DAB1: variants seen among roughly 807,000 people sequenced by gnomAD.
The protein encoded by DAB1 is disabled homolog 1.
Under a neutral mutation model 64.6 loss-of-function variants are expected in DAB1, and 15 were observed. The ratio of observed to expected loss-of-function variants is 0.23; its 90% CI spans 0.16 to 0.36. The LOEUF (loss-of-function observed/expected upper bound fraction) is 0.36. Ranked by LOEUF, DAB1 falls within the 10% of genes least tolerant of loss-of-function variation. The pLI is 1.00. For missense variants in DAB1, 596 were observed against 706.7 expected, an observed-to-expected ratio of 0.84 and a Z score of 1.78; for synonymous variants, 235 against 251.9, an observed-to-expected ratio of 0.93 and a Z score of 0.64.
At chr1:58,531,936 T>C (rs1227103825) in intron 1 of DAB1, among the ~76,000 whole-genome samples, 3 of 152,048 alleles carry the variant, frequency 2.0e-5, no homozygotes, top group Non-Finnish European at 2.9e-5. Context: ...CTTGAACTCC[T>C]GACCTCATGA....
chr1:58,283,695 T>C (rs999472167), intron 4 of DAB1, among the ~76,000 whole-genome samples: 2 of 152,176 alleles, frequency 1.3e-5, no homozygotes, highest in Admixed American at 1.3e-4. Context: ...GAGGATTAAA[T>C]GAGATAATTC....
At chr1:57,545,777 G>C (rs1439793172) in intron 7 of DAB1, among the ~76,000 whole-genome samples, 1 of 152,120 alleles carries the variant, frequency 6.6e-6, no homozygotes, top group East Asian at 1.9e-4. Flanking sequence ...CATTCTACTT[G>C]TCTGTCAGAC....
intron 5 of DAB1, among the ~76,000 whole-genome samples, chr1:57,918,991 T>C (rs1283082503): frequency 6.6e-6 from 1 of 151,444 alleles, no homozygotes; most frequent in Non-Finnish European, 1.5e-5. Context: ...CCAAAAAAAA[T>C]TGGGTTTCAT....
At chr1:57,650,842 A>T (rs576365515) in intron 6 of DAB1, among the ~76,000 whole-genome samples, 6 of 152,208 alleles carry the variant, frequency 3.9e-5, no homozygotes, top group African/African-American at 1.2e-4. Context: ...ATCCATTTCC[A>T]TCTCTGCCTC....
intron 1 of DAB1, among the ~76,000 whole-genome samples, chr1:57,359,285 G>T (rs1679361784): frequency 6.6e-6 from 1 of 151,940 alleles, no homozygotes; most frequent in South Asian, 2.1e-4. Context: ...TTAAAAGACT[G>T]AATAAACATC....
chr1:58,301,980 C>T (rs1371767733), intron 4 of DAB1, among the ~76,000 whole-genome samples: 1 of 152,134 alleles, frequency 6.6e-6, no homozygotes, highest in Non-Finnish European at 1.5e-5. Flanking sequence ...TTAATTCTCA[C>T]CACCACCTTG....
chr1:58,436,681 A>T (rs1644948415), intron 3 of DAB1, among the ~76,000 whole-genome samples: 2 of 152,258 alleles, frequency 1.3e-5, no homozygotes. Flanking sequence ...GGAAGATAAG[A>T]AAGAAAATAA....
intron 7 of DAB1, among the ~76,000 whole-genome samples, chr1:57,615,926 G>A (rs1215186547): frequency 6.6e-6 from 1 of 152,140 alleles, no homozygotes; most frequent in Non-Finnish European, 1.5e-5. Context: ...CTGAGTGTGA[G>A]GGCCCCTGTA....
chr1:57,877,610 G>A lies in DAB1; in HGVS notation n.87+6389C>T, dbSNP rs1644071688. ...GCTCTGTCGCCCAGGCCGGACTGCG[G>A]ACTGCAGTGGCGCAATCTCGGCTCA... On this transcript the variant is annotated intron_variant and non_coding_transcript_variant, in intron 1 of 1. Transcript: ENST00000477280. Among the ~76,000 whole-genome samples the A allele has an allele frequency of 1.4e-4, 3 of 22,066 alleles. 1 individual carries two copies. Among genetic ancestry groups the A allele is most frequent in the Non-Finnish European group, 2.6e-4 (3 of 11,606 alleles). The allele number at this position is 22,066 out of a possible 152,430, so 14.5% of individuals were successfully genotyped here.
intron 3 of DAB1, among the ~76,000 whole-genome samples, chr1:58,472,663 G>A (rs1209404979): frequency 6.6e-6 from 1 of 152,212 alleles, no homozygotes; most frequent in Non-Finnish European, 1.5e-5. Context: ...CTCACCAGTA[G>A]AGGACAGAAA....
At chr1:57,931,177 A>C (rs1177740700) in intron 5 of DAB1, among the ~76,000 whole-genome samples, 4 of 152,210 alleles carry the variant, frequency 2.6e-5, no homozygotes, top group African/African-American at 9.7e-5. Context: ...ATGTTAAATC[A>C]GCTTTGCATA....
At chr1:57,200,651 TAATAAG>T (rs1284423736) in intron 2 of DAB1, among the ~76,000 whole-genome samples, 1 of 152,168 alleles carries the variant, frequency 6.6e-6, no homozygotes, top group Non-Finnish European at 1.5e-5. Flanking sequence ...TGGAACTTAA[TAATAAG>T]AATGCAAATA....
intron 7 of DAB1, among the ~76,000 whole-genome samples, chr1:57,521,567 G>A (rs1644526996): frequency 6.6e-6 from 1 of 152,116 alleles, no homozygotes; most frequent in South Asian, 2.1e-4. Context: ...AATCACTCTG[G>A]TAGAGGCTTT....
intron 4 of DAB1, among the ~76,000 whole-genome samples, chr1:58,184,798 G>C (rs761483593): frequency 2.0e-5 from 3 of 152,152 alleles, no homozygotes; most frequent in African/African-American, 7.2e-5. Context: ...TATGTATAAT[G>C]GGTCTCAAAG....
chr1:58,505,802 A>G (rs529755373), intron 3 of DAB1, among the ~76,000 whole-genome samples: 1 of 152,324 alleles, frequency 6.6e-6, no homozygotes, highest in African/African-American at 2.4e-5. Context: ...GTCAGTTAAA[A>G]TTAAAGTCTC....
intron 6 of DAB1, among the ~76,000 whole-genome samples, chr1:57,790,769 G>A (rs148391682): frequency 1.3e-5 from 2 of 152,318 alleles, no homozygotes; most frequent in East Asian, 3.9e-4. Context: ...TTACCAGCAT[G>A]TTGCAAACAG....
chr1:57,453,552 T>C (rs1328033257), intron 7 of DAB1, among the ~76,000 whole-genome samples: 1 of 152,144 alleles, frequency 6.6e-6, no homozygotes, highest in East Asian at 1.9e-4. Flanking sequence ...GTGAAATAAA[T>C]ACTCCTAACT....
intron 5 of DAB1, among the ~76,000 whole-genome samples, chr1:57,950,446 G>A (rs192266622): frequency 9.2e-5 from 14 of 152,174 alleles, no homozygotes; most frequent in African/African-American, 2.6e-4. Flanking sequence ...TCTAACAGGC[G>A]TTCCTCATTT....
chr1:57,226,693 A>ATC (rs1667295309), intron 2 of DAB1, among the ~76,000 whole-genome samples: 1 of 147,502 alleles, frequency 6.8e-6, no homozygotes, highest in South Asian at 2.1e-4. Flanking sequence ...ATATATATAT[A>ATC]TATATCAGTG....
Sources: gnomAD v4.1 joint callset for allele counts (sites outside exome capture counted in the v4.1 genomes callset) on GRCh38, gnomAD v4.1.1 for gene constraint, MANE v1.5 for transcripts, NCBI Gene and HGNC (gene_info 2026-07-23, HGNC 2026-07-21) for gene names.